NUP107: variants seen among roughly 807,000 people sequenced by gnomAD.
The protein encoded by NUP107 is nucleoporin 107, also known as nuclear pore complex protein Nup107.
Under a neutral mutation model 141.0 loss-of-function variants are expected in NUP107, and 101 were observed. The observed-to-expected ratio is 0.72, with a 90% confidence interval of 0.61 to 0.84. The LOEUF (loss-of-function observed/expected upper bound fraction) is 0.84. NUP107 is among the 40% of genes least tolerant of loss of function. The probability of loss-of-function intolerance (pLI) is 0.00; values close to 1 mark genes in which losing one functional copy is unlikely to be tolerated. For synonymous variants in NUP107, 319 were observed against 363.9 expected (o/e 0.88, Z 1.41); for missense variants, 941 against 1,102.7 (o/e 0.85, Z 2.08).
At chr12:68,709,914 C>A in intron 9 of NUP107, 91 bp from the exon 10 acceptor site, 1 of 722,494 alleles carries the variant, frequency 1.4e-6, no homozygotes, top group Non-Finnish European at 2.3e-6. Context: ...AAATCTGAAA[C>A]TGTTTGAATT....
At chr12:68,720,486 T>C (rs1565697612) in intron 14 of NUP107, among the ~76,000 whole-genome samples, 1 of 152,052 alleles carries the variant, frequency 6.6e-6, no homozygotes, top group Non-Finnish European at 1.5e-5. Context: ...GGACACTAAG[T>C]CATAAGGGTC....
In NUP107 at chr12:68,700,716, T is replaced by C. The variant is rs758768934; in HGVS notation, c.553-10T>C. On this transcript the variant is annotated splice_polypyrimidine_tract_variant and intron_variant, in intron 6 of 27. Transcript: ENST00000229179. ...AAATTAACCTCTTTACATCTGTGTT[T>C]TTTATTCAGGTGAATATACTGAGTA... The C allele has an allele frequency of 5.1e-6, 8 of 1,568,536 alleles. No individual in the cohort carries two copies. The highest frequency in any genetic ancestry group is 2.6e-6 in the Non-Finnish European group (3 of 1,163,804).
In NUP107 at chr12:68,743,731, A is replaced by G. The variant is rs1878410582; in HGVS notation, c.*1269A>G. ...CATCTAAGGAATTTCTTGAATATGT[A>G]TTTATAGATGCCACCCCTAGAGACA... is the stretch of plus-strand genomic sequence containing the variant. On this transcript the variant is annotated 3_prime_UTR_variant, in exon 28 of 28. Coordinates refer to ENST00000229179, the MANE Select transcript of NUP107 (RefSeq NM_020401.4). 6.6e-6 allele frequency: 1 copy of G among 152,228 alleles called. No individual in the cohort carries two copies. Among genetic ancestry groups the G allele is most frequent in the South Asian group, 2.1e-4 (1 of 4,836 alleles). 9.4% of individuals were successfully genotyped at this position (152,228 alleles called of 1,614,324 possible). A position where few individuals can be genotyped will look rare whatever the true frequency, so the allele number is the denominator to read the frequency against.
intron 8 of NUP107, among the ~76,000 whole-genome samples, chr12:68,707,662 T>A (rs1592502396): frequency 6.6e-6 from 1 of 152,186 alleles, no homozygotes; most frequent in Non-Finnish European, 1.5e-5. Context: ...ATTCCCTAAG[T>A]GATATAATAT....
chr12:68,700,015 G>T (rs996280695), intron 6 of NUP107, among the ~76,000 whole-genome samples: 4 of 152,090 alleles, frequency 2.6e-5, no homozygotes, highest in Non-Finnish European at 5.9e-5. Context: ...TGATTCTCCT[G>T]CCTTAGCCTC....
chr12:68,719,775 T>C (rs1202538578), intron 14 of NUP107, 121 bp downstream of exon 14: 2 of 710,862 alleles, frequency 2.8e-6, no homozygotes, highest in Admixed American at 2.4e-5. Flanking sequence ...TCCAATTAAA[T>C]TGAGGAATAG....
intron 22 of NUP107, 65 bp from the exon 23 acceptor site, chr12:68,732,572 T>A: frequency 2.2e-6 from 2 of 901,816 alleles, no homozygotes; most frequent in Non-Finnish European, 3.4e-6. Flanking sequence ...TCTACTAATT[T>A]GTAGAATATC....
chr12:68,719,226 A>AC, intron 12 of NUP107, 115 bp from the exon 13 acceptor site: 31 of 714,942 alleles, frequency 4.3e-5, no homozygotes, highest in Non-Finnish European at 6.7e-5. Flanking sequence ...CATCCCTTGT[A>AC]ATGGGATGGA....
intron 6 of NUP107, among the ~76,000 whole-genome samples, chr12:68,699,769 C>T (rs2136006238): frequency 6.6e-6 from 1 of 152,168 alleles, no homozygotes; most frequent in East Asian, 1.9e-4. Context: ...TGTTAGTAAC[C>T]TTTGAGAAAG....
chr12:68,737,069 G>T (rs1200402482), intron 26 of NUP107, among the ~76,000 whole-genome samples: 2 of 152,086 alleles, frequency 1.3e-5, no homozygotes, highest in Non-Finnish European at 1.5e-5. Context: ...CCTTCCACAG[G>T]TTCCTCTGGC....
intron 12 of NUP107, among the ~76,000 whole-genome samples, chr12:68,718,701 A>AG (rs139556709): frequency 0.26 from 39,808 of 151,768 alleles, 6,153 homozygotes; most frequent in Non-Finnish European, 0.34. Flanking sequence ...AGGCTGAGGT[A>AG]GGGGGGATCC....
chr12:68,711,573 C>G (rs1048352261), intron 10 of NUP107, among the ~76,000 whole-genome samples: 1 of 150,722 alleles, frequency 6.6e-6, no homozygotes, highest in Admixed American at 6.6e-5. Context: ...TGGATAGATA[C>G]GACAGGGAGT....
chr12:68,696,697 G>T, intron 5 of NUP107, 122 bp from the exon 6 acceptor site: 1 of 586,552 alleles, frequency 1.7e-6, no homozygotes, highest in Admixed American at 3.0e-5. Flanking sequence ...TGGACAACAA[G>T]AGTGAAACTC....
intron 8 of NUP107, among the ~76,000 whole-genome samples, chr12:68,704,150 A>G (rs1876467064): frequency 6.6e-6 from 1 of 152,228 alleles, no homozygotes; most frequent in African/African-American, 2.4e-5. Context: ...CTGGACAAGT[A>G]AACACCATTC....
rs556953800 is a variant in NUP107 at position 68,707,362 on chromosome 12, G to C, written c.730-1876G>C. 2.6e-5 allele frequency among the ~76,000 whole-genome samples: 4 copies of C among 152,334 alleles called. No individual in the cohort carries two copies. In the East Asian group the frequency reaches 7.7e-4, roughly 29 times the overall value. On this transcript the variant is annotated intron_variant, in intron 8 of 27. Coordinates refer to ENST00000229179, the MANE Select transcript of NUP107 (RefSeq NM_020401.4). ...CATGCCGGTAATCCCAACACTTTGG[G>C]AGGTCAAGGTGGAAGGCTCAGTTTA...
intron 11 of NUP107, among the ~76,000 whole-genome samples, chr12:68,714,542 G>C (rs986471665): frequency 1.3e-5 from 2 of 152,210 alleles, no homozygotes; most frequent in African/African-American, 4.8e-5. Context: ...ATTTATGAAA[G>C]TAGTGAATTG....
intron 10 of NUP107, among the ~76,000 whole-genome samples, chr12:68,712,599 T>G (rs1876911318): frequency 1.3e-5 from 2 of 151,738 alleles, no homozygotes; most frequent in African/African-American, 2.4e-5. Flanking sequence ...GAAAGGAAGT[T>G]TTCATTTTCA....
intron 1 of NUP107, among the ~76,000 whole-genome samples, chr12:68,688,365 G>A (rs926819300): frequency 2.0e-5 from 3 of 152,210 alleles, no homozygotes; most frequent in African/African-American, 7.2e-5. Context: ...AGACCTTTGA[G>A]TGAAACTGAC....
In NUP107 at chr12:68,731,737, G is replaced by A. The variant is rs1214471794; in HGVS notation, c.1998+18G>A. ...CTACTGAGGTAATTTGGGATGGGGGGGCAGAGGTTTCTATAACTTCTAATA... is the reference window on the plus strand; with the variant it reads ...CTACTGAGGTAATTTGGGATGGGGGAGCAGAGGTTTCTATAACTTCTAATA... On this transcript the variant is annotated intron_variant, in intron 22 of 27. Coordinates refer to ENST00000229179, the MANE Select transcript of NUP107 (RefSeq NM_020401.4). The A allele has an allele frequency of 7.7e-6, 10 of 1,299,620 alleles. No individual in the cohort carries two copies. Among genetic ancestry groups the A allele is most frequent in the Non-Finnish European group, 9.6e-6 (9 of 936,380 alleles). The allele number at this position is 1,299,620 out of a possible 1,614,324, so 80.5% of individuals were successfully genotyped here. A position where few individuals can be genotyped will look rare whatever the true frequency, so the allele number is the denominator to read the frequency against.
Sources: allele counts gnomAD v4.1 joint callset (sites outside exome capture counted in the v4.1 genomes callset), GRCh38; gene constraint gnomAD v4.1.1; transcripts MANE v1.5; gene names NCBI Gene and HGNC (gene_info 2026-07-23, HGNC 2026-07-21).